SH3PXD2A: variants seen among roughly 807,000 people sequenced by gnomAD.
SH3PXD2A encodes the protein SH3 and PX domain-containing protein 2A.
A neutral mutation model predicts 115.2 loss-of-function variants in SH3PXD2A; 32 were observed. The ratio of observed to expected loss-of-function variants is 0.28; its 90% CI spans 0.21 to 0.37. The LOEUF (loss-of-function observed/expected upper bound fraction) is 0.37. Among genes scored for constraint, SH3PXD2A ranks in the 10% least tolerant of loss-of-function variants. The probability of loss-of-function intolerance (pLI) is 1.00; values close to 1 mark genes in which losing one functional copy is unlikely to be tolerated. For synonymous variants in SH3PXD2A, 610 were observed against 629.1 expected, an observed-to-expected ratio of 0.97 and a Z score of 0.45; for missense variants, 1,328 against 1,498.7, an observed-to-expected ratio of 0.89 and a Z score of 1.88.
At chr10:103,621,141 G>A (rs2036597155) in intron 10 of SH3PXD2A, among the ~76,000 whole-genome samples, 1 of 152,206 alleles carries the variant, frequency 6.6e-6, no homozygotes, top group Non-Finnish European at 1.5e-5. Flanking sequence ...GGCCATGAGG[G>A]CTGTGCATGT....
intron 1 of SH3PXD2A, among the ~76,000 whole-genome samples, chr10:103,821,142 C>CTTTTT (rs5787500): frequency 4.0e-5 from 4 of 100,316 alleles, no homozygotes; most frequent in Non-Finnish European, 8.2e-5. Context: ...GTCGTTCATT[C>CTTTTT]TTTTTTTTTT....
chr10:103,790,184 TC>T (rs2039021146), intron 2 of SH3PXD2A, among the ~76,000 whole-genome samples: 1 of 151,110 alleles, frequency 6.6e-6, no homozygotes, highest in African/African-American at 2.4e-5. Context: ...AGATGGAGTC[TC>T]GCTGTGTCGC....
intron 1 of SH3PXD2A, among the ~76,000 whole-genome samples, chr10:103,824,808 CT>C (rs762305357): frequency 1.3e-5 from 2 of 152,122 alleles, no homozygotes; most frequent in Non-Finnish European, 2.9e-5. Context: ...GCCATGTCAT[CT>C]CTCTATTTTT....
intron 6 of SH3PXD2A, among the ~76,000 whole-genome samples, chr10:103,683,029 C>A (rs952712397): frequency 1.3e-5 from 2 of 152,086 alleles, no homozygotes; most frequent in Admixed American, 1.3e-4. Context: ...TCGCTCCTGC[C>A]GGGATGATGG....
chr10:103,758,041 T>A (rs550814953), intron 3 of SH3PXD2A, among the ~76,000 whole-genome samples: 33 of 152,322 alleles, frequency 2.2e-4, no homozygotes, highest in African/African-American at 7.5e-4. Flanking sequence ...ATGCATTAAC[T>A]GCTTGCGATG....
chr10:103,751,946 C>T (rs967319668), intron 3 of SH3PXD2A, among the ~76,000 whole-genome samples: 5 of 152,182 alleles, frequency 3.3e-5, no homozygotes, highest in African/African-American at 1.2e-4. Flanking sequence ...TATTTTGGGG[C>T]ACTGTTATTT....
intron 5 of SH3PXD2A, among the ~76,000 whole-genome samples, chr10:103,718,417 A>G (rs938095910): frequency 1.1e-4 from 16 of 152,208 alleles, no homozygotes; most frequent in Admixed American, 8.5e-4. Flanking sequence ...AGGAGAGACC[A>G]AGAAACTACA....
chr10:103,764,713 T>A (rs1264786282), intron 3 of SH3PXD2A, among the ~76,000 whole-genome samples: 2 of 152,134 alleles, frequency 1.3e-5, no homozygotes, highest in Non-Finnish European at 2.9e-5. Context: ...TTCAGAGAGG[T>A]CCTCAGTCCT....
At chr10:103,682,223 G>A (rs532664763) in intron 6 of SH3PXD2A, among the ~76,000 whole-genome samples, 4 of 152,290 alleles carry the variant, frequency 2.6e-5, no homozygotes, top group South Asian at 4.1e-4. Flanking sequence ...TCCCCGCTCC[G>A]CCTTGCTCTG....
At chr10:103,660,882 C>T in intron 8 of SH3PXD2A, 101 bp downstream of exon 8, 1 of 1,303,028 alleles carries the variant, frequency 7.7e-7, no homozygotes. Context: ...ATGGAAATAA[C>T]GTATAGCTGC....
chr10:103,602,551 G>T lies in SH3PXD2A; in HGVS notation c.2667C>A (p.Ala889=), dbSNP rs112741279. 8.3e-5 allele frequency: 134 copies of T among 1,614,160 alleles called. 2 individuals carry two copies. In the African/African-American group the frequency reaches 1.1e-3, roughly 14 times the overall value. ...CATCCAGCACCAAATAGTGGGAAGG[G>T]GCCCAGCCCTCCAGCTCCCCAAACC... The part of the protein sequence containing the change: ...YVRFGELEGW[A]PSHYLVLDEN... Residue 889 remains alanine, a synonymous_variant, in exon 15 of 15, where the codon GCC becomes GCA. Coordinates refer to ENST00000369774, the MANE Select transcript of SH3PXD2A (RefSeq NM_001394015.1).
chr10:103,674,823 AAAACAAAC>A (rs58728932), intron 6 of SH3PXD2A, among the ~76,000 whole-genome samples: 25 of 151,652 alleles, frequency 1.6e-4, no homozygotes, highest in African/African-American at 3.9e-4. Flanking sequence ...CTGTCTCTTA[AAAACAAAC>A]AAACAAACAA....
chr10:103,678,431 G>A (rs904144443), intron 6 of SH3PXD2A, among the ~76,000 whole-genome samples: 6 of 152,352 alleles, frequency 3.9e-5, no homozygotes, highest in South Asian at 2.1e-4. Flanking sequence ...GGGAGTGTGC[G>A]GCTCTCTGGG....
At chr10:103,607,177 C>CGA (rs2036326461) in intron 13 of SH3PXD2A, among the ~76,000 whole-genome samples, 1 of 151,356 alleles carries the variant, frequency 6.6e-6, no homozygotes, top group African/African-American at 2.4e-5. Flanking sequence ...AGCGCCTCTC[C>CGA]CCGGCCGCGA....
Position 103,766,974 on chromosome 10 carries a change from A to G in SH3PXD2A, c.229+120T>C, listed in dbSNP as rs1238490392. On this transcript the variant is annotated intron_variant, in intron 3 of 14. Transcript: ENST00000369774. ...CAAATCCCCTGGGGGAATTGTTCAT[A>G]TGCAGATTCCTGGGCATGCCCCGCC... is the stretch of plus-strand genomic sequence containing the variant. 7 of 706,190 alleles carry G rather than the reference A, an allele frequency of 9.9e-6. No individual in the cohort carries two copies. The South Asian group carries it at 1.1e-4, about 11-fold the overall frequency. The allele number at this position is 706,190 out of a possible 1,614,324, so 43.7% of individuals were successfully genotyped here. A position where few individuals can be genotyped will look rare whatever the true frequency, so the allele number is the denominator to read the frequency against.
chr10:103,669,770 C>G (rs1168329271), intron 6 of SH3PXD2A, among the ~76,000 whole-genome samples: 1 of 152,256 alleles, frequency 6.6e-6, no homozygotes, highest in Non-Finnish European at 1.5e-5. Flanking sequence ...GTCTGAGAGA[C>G]AAACTCTCGC....
intron 7 of SH3PXD2A, among the ~76,000 whole-genome samples, chr10:103,663,492 T>G (rs1048427445): frequency 1.3e-5 from 2 of 152,246 alleles, no homozygotes; most frequent in Admixed American, 1.3e-4. Flanking sequence ...ATCAGTCTGG[T>G]TCTTCTAGCA....
Position 103,601,756 on chromosome 10 carries a change from CCGCTCAT to C in SH3PXD2A, c.*53_*59del. Reference sequence around the variant, plus strand: ...TTTCCTTTCCCTTTTGTTCGTCTCACCGCTCATCCAGTGGGCGGCCAGAGAGGCACAC... The same window carrying C: ...TTTCCTTTCCCTTTTGTTCGTCTCACCCAGTGGGCGGCCAGAGAGGCACAC... On this transcript the variant is annotated 3_prime_UTR_variant, in exon 15 of 15. Transcript: ENST00000369774. 1.5e-6 allele frequency: 1 copy of C among 677,578 alleles called. No individual in the cohort carries two copies. The highest frequency in any genetic ancestry group is 2.1e-6 in the Non-Finnish European group (1 of 485,318). 42.0% of individuals were successfully genotyped at this position (677,578 alleles called of 1,614,324 possible). A position where few individuals can be genotyped will look rare whatever the true frequency, so the allele number is the denominator to read the frequency against.
chr10:103,622,539 T>C lies in SH3PXD2A; in HGVS notation c.733A>G (p.Lys245Glu). The C allele has an allele frequency of 6.5e-7, 1 of 1,549,990 alleles. No homozygotes were observed. The highest frequency in any genetic ancestry group is 8.7e-7 in the Non-Finnish European group (1 of 1,146,638). ...SKTGEVSKRR[K>E]AHLRRLDRRW... ...CGATCCAGGCGCCGCAGATGGGCCT[T>C]GCGTCTCTTGGACACTGGTGTGGGA... Residue 245 changes from lysine (K) to glutamate (E), a missense_variant, in exon 10 of 15, where the codon AAG becomes GAG. Physicochemically the swap from Lys to Glu is moderately conservative, Grantham distance 56. Transcript: ENST00000369774.
Sources: gnomAD v4.1 joint callset for allele counts (sites outside exome capture counted in the v4.1 genomes callset) on GRCh38, gnomAD v4.1.1 for gene constraint, MANE v1.5 for transcripts, NCBI Gene and HGNC (gene_info 2026-07-23, HGNC 2026-07-21) for gene names.